Variants in NRG1 observed in about 807,000 individuals in gnomAD.
NRG1 encodes pro-neuregulin-1, membrane-bound isoform.
In NRG1, 18 loss-of-function variants were observed where a neutral mutation model predicts 63.8. The observed-to-expected ratio is 0.28, with a 90% CI of 0.19 to 0.42. NRG1 has a LOEUF of 0.42. Among genes scored for constraint, NRG1 ranks in the 10% least tolerant of loss-of-function variants. The pLI is 1.00. For missense variants in NRG1, 762 were observed against 814.7 expected, an observed-to-expected ratio of 0.94 and a Z score of 0.79; for synonymous variants, 302 against 301.3, an observed-to-expected ratio of 1.00 and a Z score of -0.02.
chr8:32,041,576 T>C (rs1820042046), intron 1 of NRG1, among the ~76,000 whole-genome samples: 1 of 152,178 alleles, frequency 6.6e-6, no homozygotes, highest in African/African-American at 2.4e-5. Flanking sequence ...CAGGAAGAGC[T>C]TCACCTGGCA....
At chr8:31,900,527 C>G (rs1831984238) in intron 1 of NRG1, among the ~76,000 whole-genome samples, 1 of 152,160 alleles carries the variant, frequency 6.6e-6, no homozygotes, top group African/African-American at 2.4e-5. Context: ...CTACAGAAAA[C>G]AAATCATTCT....
intron 1 of NRG1, among the ~76,000 whole-genome samples, chr8:32,415,981 G>C (rs577529084): frequency 6.6e-6 from 1 of 152,190 alleles, no homozygotes; most frequent in African/African-American, 2.4e-5. Flanking sequence ...GTAGGAAAAG[G>C]ATAGGAATGA....
intron 1 of NRG1, among the ~76,000 whole-genome samples, chr8:32,145,184 C>T (rs1168061415): frequency 2.6e-5 from 4 of 152,070 alleles, no homozygotes; most frequent in East Asian, 3.9e-4. Context: ...TATCTAATGA[C>T]GGCCCAGAAA....
chr8:31,943,569 G>A (rs1802095013), intron 1 of NRG1, among the ~76,000 whole-genome samples: 2 of 146,982 alleles, frequency 1.4e-5, no homozygotes, highest in African/African-American at 2.7e-5. Context: ...TTGAATGAAT[G>A]AACCAAAGGT....
intron 1 of NRG1, among the ~76,000 whole-genome samples, chr8:31,670,572 T>C (rs889821823): frequency 1.1e-5 from 1 of 94,468 alleles, no homozygotes; most frequent in African/African-American, 3.0e-5. Context: ...ATTCTCTTTG[T>C]TTTTTTTTTT....
At chr8:32,189,238 C>G (rs60724805) in intron 1 of NRG1, among the ~76,000 whole-genome samples, 4 of 152,138 alleles carry the variant, frequency 2.6e-5, no homozygotes, top group Non-Finnish European at 5.9e-5. Context: ...CCCCTTCCGT[C>G]TTCCCCCTCA....
intron 1 of NRG1, among the ~76,000 whole-genome samples, chr8:32,048,925 T>C (rs962574707): frequency 6.6e-6 from 1 of 151,966 alleles, no homozygotes; most frequent in Non-Finnish European, 1.5e-5. Context: ...TTTTAACCGT[T>C]TGGGATGGTT....
chr8:32,578,182 G>T lies in NRG1; in HGVS notation c.101-17646G>T, dbSNP rs139569844. ...GATAATTTTTTGTATTTTTAGTAGA[G>T]ACAAGATTTCAGTATGTTGGCCAGG... is the stretch of plus-strand genomic sequence containing the variant. On this transcript the variant is annotated intron_variant, in intron 1 of 11. Transcript: ENST00000356819. Among the ~76,000 whole-genome samples, 1,438 of 152,178 alleles carry T rather than the reference G, an allele frequency of 9.4e-3. 27 individuals carry two copies. Among genetic ancestry groups the T allele is most frequent in the African/African-American group, 0.033 (1,356 of 41,514 alleles).
At chr8:32,483,261 G>T (rs997963507) in intron 1 of NRG1, among the ~76,000 whole-genome samples, 1 of 152,222 alleles carries the variant, frequency 6.6e-6, no homozygotes, top group African/African-American at 2.4e-5. Context: ...TGGCTAGAGA[G>T]GACTTCTCTT....
At chr8:31,867,369 T>G (rs915071572) in intron 1 of NRG1, among the ~76,000 whole-genome samples, 1 of 152,202 alleles carries the variant, frequency 6.6e-6, no homozygotes, top group Non-Finnish European at 1.5e-5. Flanking sequence ...GCCTAACAAG[T>G]AACTCCCTTG....
chr8:32,373,411 G>A (rs971231120), intron 1 of NRG1, among the ~76,000 whole-genome samples: 7 of 152,150 alleles, frequency 4.6e-5, no homozygotes, highest in African/African-American at 1.2e-4. Flanking sequence ...TCTTATAAAT[G>A]TATCTTTAAA....
intron 5 of NRG1, among the ~76,000 whole-genome samples, chr8:32,653,050 A>G (rs564809896): frequency 5.2e-4 from 79 of 152,262 alleles, no homozygotes; most frequent in Middle Eastern, 6.8e-3. Context: ...GTCTACTTTT[A>G]TGCTCATGTT....
At chr8:32,315,223 T>C (rs1857246476) in intron 1 of NRG1, among the ~76,000 whole-genome samples, 1 of 152,194 alleles carries the variant, frequency 6.6e-6, no homozygotes, top group South Asian at 2.1e-4. Context: ...CTGTTTGTCA[T>C]AGTGCTCTCC....
chr8:31,809,741 G>GTTTTTTTTTTTTTTTTTTTTTTTTAATT (rs753730069), intron 1 of NRG1, among the ~76,000 whole-genome samples: 2 of 68,018 alleles, frequency 2.9e-5, no homozygotes, highest in African/African-American at 6.6e-5. Context: ...TCTATTAATT[G>GTTTTTTTTTTTTTTTTTTTTTTTTAATT]TTTTTTTTTT....
At chr8:31,859,636 G>T (rs1014351028) in intron 1 of NRG1, among the ~76,000 whole-genome samples, 2 of 152,212 alleles carry the variant, frequency 1.3e-5, no homozygotes, top group Admixed American at 1.3e-4. Flanking sequence ...TGCACAAGGT[G>T]AGGGATATCT....
chr8:32,342,220 C>T (rs1304093869), intron 1 of NRG1, among the ~76,000 whole-genome samples: 8 of 152,162 alleles, frequency 5.3e-5, no homozygotes, highest in Non-Finnish European at 1.5e-5. Flanking sequence ...GTGAAAACCA[C>T]TTTAAAGCAT....
At chr8:32,426,159 G>A (rs1203862209) in intron 1 of NRG1, among the ~76,000 whole-genome samples, 2 of 152,110 alleles carry the variant, frequency 1.3e-5, no homozygotes, top group South Asian at 4.1e-4. Flanking sequence ...AGAAATGAAA[G>A]GTCAATTTAG....
chr8:32,576,965 T>C (rs1185995356), intron 1 of NRG1, among the ~76,000 whole-genome samples: 3 of 152,124 alleles, frequency 2.0e-5, no homozygotes, highest in Non-Finnish European at 4.4e-5. Flanking sequence ...CAACTCCTGT[T>C]CCCTCCTTCC....
At chr8:32,607,015 CAA>C in intron 3 of NRG1, among the ~76,000 whole-genome samples, 1 of 152,096 alleles carries the variant, frequency 6.6e-6, no homozygotes, top group Admixed American at 6.6e-5. Flanking sequence ...ACAGAGTAAT[CAA>C]AGTTTATCAC....
Sources: allele counts gnomAD v4.1 joint callset (sites outside exome capture counted in the v4.1 genomes callset), GRCh38; gene constraint gnomAD v4.1.1; transcripts MANE v1.5; gene names NCBI Gene and HGNC (gene_info 2026-07-23, HGNC 2026-07-21).